ACY1: variants seen among roughly 807,000 people sequenced by gnomAD.
The protein encoded by ACY1 is aminoacylase-1.
Under a neutral mutation model 53.3 loss-of-function variants are expected in ACY1, and 38 were observed. The observed-to-expected ratio is 0.71, with a 90% CI of 0.55 to 0.93. The LOEUF (loss-of-function observed/expected upper bound fraction) is 0.93, where lower values mean the gene tolerates loss of function less well. Among genes scored for constraint, ACY1 ranks in the 40% least tolerant of loss-of-function variants. The pLI, the probability that ACY1 is intolerant of heterozygous loss-of-function variation, is 0.00. For missense variants in ACY1, 484 were observed against 540.9 expected (o/e 0.89, Z 1.04); for synonymous variants, 177 against 202.1 (o/e 0.88, Z 1.05).
At chr3:51,983,911 T>C in intron 1 of ACY1, 136 bp from the exon 2 acceptor site, 2 of 699,670 alleles carry the variant, frequency 2.9e-6, no homozygotes, top group Non-Finnish European at 2.6e-6. Flanking sequence ...GAATGGGTGC[T>C]CCTTAATGGG....
At chr3:51,985,560 C>T in intron 4 of ACY1, 95 bp downstream of exon 4, 1 of 1,225,480 alleles carries the variant, frequency 8.2e-7, no homozygotes, top group Non-Finnish European at 1.2e-6. Flanking sequence ...ATGGTCCTGG[C>T]CCCAGTCCTG....
chr3:51,984,892 C>T, intron 2 of ACY1: 2 of 463,442 alleles, frequency 4.3e-6, no homozygotes, highest in Admixed American at 3.4e-5. Flanking sequence ...CCAAATTCCT[C>T]CTCTGTGATT....
rs1701063639 is a variant in ACY1, at chr3:51,986,516, G to A, written c.526+12G>A. On this transcript the variant is annotated intron_variant, in intron 7 of 14. Transcript: ENST00000636358. ...TGCCCTGGATGAGGGTGAGCAGGTT[G>A]GCAAGCCAATGAGCAGCCAGGCAGG... The A allele has an allele frequency of 6.2e-7, 1 of 1,614,046 alleles. No homozygotes were observed. Among genetic ancestry groups the A allele is most frequent in the Admixed American group, 1.7e-5 (1 of 60,008 alleles).
At chr3:51,988,312 G>T (rs1701146382) in intron 12 of ACY1, 2 of 638,408 alleles carry the variant, frequency 3.1e-6, no homozygotes, top group Non-Finnish European at 5.7e-6. Flanking sequence ...GGATGGACAG[G>T]AGGTAAGTAG....
chr3:51,988,688 C>T, intron 13 of ACY1, 78 bp from the exon 14 acceptor site: 2 of 1,591,770 alleles, frequency 1.3e-6, no homozygotes, highest in Non-Finnish European at 1.7e-6. Flanking sequence ...CTCCTTCTCC[C>T]ACCTCTTTCC....
intron 11 of ACY1, 43 bp from the exon 12 acceptor site, chr3:51,987,513 C>A: frequency 6.2e-7 from 1 of 1,613,986 alleles, no homozygotes; most frequent in Non-Finnish European, 8.5e-7. Context: ...GTCCTAGAGG[C>A]CTCTGGAAAG....
Position 51,984,122 on chromosome 3 carries a change from C to A in ACY1, c.58C>A (p.Leu20Met), listed in dbSNP as rs200895743. 2 of 1,613,838 alleles carry A rather than the reference C, an allele frequency of 1.2e-6. No individual in the cohort carries two copies. The highest frequency in any genetic ancestry group is 8.5e-7 in the Non-Finnish European group (1 of 1,180,038). ...ATCGGTGACGCTCTTCCGCCAGTAC[C>A]TGCGTATCCGCACTGTCCAGCCCAA... ...HPSVTLFRQY[L>M]RIRTVQPKPD... The change falls in exon 2 of 15, where the codon CTG becomes ATG. Residue 20 changes from leucine (L) to methionine (M), a missense_variant. Coordinates refer to ENST00000636358, the MANE Select transcript of ACY1 (RefSeq NM_000666.3).
chr3:51,988,658 T>C, intron 13 of ACY1, 55 bp downstream of exon 13: 1 of 1,584,678 alleles, frequency 6.3e-7, no homozygotes, highest in Non-Finnish European at 8.7e-7. Flanking sequence ...CTCTCCTTCC[T>C]GCTGCCCCCT....
At position 51,989,183 on chromosome 3, in the gene ACY1, G is replaced by A; in HGVS notation, c.*108G>A. On this transcript the variant is annotated 3_prime_UTR_variant, in exon 15 of 15. Transcript: ENST00000636358. ...AAAGTCTATGGACAGGGCTGTCTCT[G>A]AAGTACTAACACAAGGACACTCGTG... 6.7e-7 allele frequency: 1 copy of A among 1,481,910 alleles called. No homozygotes were observed. The highest frequency in any genetic ancestry group is 1.1e-5 in the South Asian group (1 of 87,674). 91.8% of individuals were successfully genotyped at this position (1,481,910 alleles called of 1,614,324 possible).
Position 51,988,779 on chromosome 3 carries a change from G to A in ACY1, c.1015G>A (p.Glu339Lys). ...RVCKDMNLTLEPEIMPAATDN... is the reference protein window; with the variant it reads ...RVCKDMNLTLKPEIMPAATDN... ...TTTCTCCTACAGGAACCTCACTCTG[G>A]AGCCTGAGATCATGCCTGCTGCCAC... The change falls in exon 14 of 15, where the codon GAG becomes AAG. Residue 339 changes from glutamate (E) to lysine (K), a missense_variant. By Grantham distance (56) the Glu-to-Lys change is moderately conservative. Transcript: ENST00000636358. 2.5e-6 allele frequency: 4 copies of A among 1,614,056 alleles called. No homozygotes were observed. Among genetic ancestry groups the A allele is most frequent in the Non-Finnish European group, 2.5e-6 (3 of 1,179,990 alleles).
chr3:51,986,904 G>C, intron 8 of ACY1, 84 bp from the exon 9 acceptor site: 1 of 1,461,478 alleles, frequency 6.8e-7, no homozygotes, highest in Non-Finnish European at 9.4e-7. Flanking sequence ...CCTGGAATGA[G>C]GGGGAGACCT....
chr3:51,987,342 C>G lies in ACY1; in HGVS notation c.741C>G (p.Ser247=), dbSNP rs748602399. 6.2e-7 allele frequency: 1 copy of G among 1,614,096 alleles called. No individual in the cohort carries two copies. ...CAAACCCCCACCTGAAAGAGGGGTC[C>G]GTGACCTCCGTGAACCTGACTAAGC... The part of the protein sequence containing the change: ...LQSNPHLKEG[S]VTSVNLTKLE... Residue 247 remains serine (S), a synonymous_variant, in exon 11 of 15, where the codon TCC becomes TCG. Transcript: ENST00000636358.
At chr3:51,985,339 C>A in intron 3 of ACY1, 22 bp from the exon 4 acceptor site, 1 of 1,614,042 alleles carries the variant, frequency 6.2e-7, no homozygotes, top group Non-Finnish European at 8.5e-7. Flanking sequence ...CTCAGACCAC[C>A]TACCCTCCTG....
In ACY1 at chr3:51,988,622, T is replaced by C. The variant is rs1436753624; in HGVS notation, c.1001+19T>C. Reference sequence around the variant, plus strand: ...AGGATATGTGAGCACGCTGGCCAGCTCTCCTCACAGCCCAGCCCCCTACTC... The same window carrying C: ...AGGATATGTGAGCACGCTGGCCAGCCCTCCTCACAGCCCAGCCCCCTACTC... On this transcript the variant is annotated intron_variant, in intron 13 of 14. Coordinates refer to ENST00000636358, the MANE Select transcript of ACY1 (RefSeq NM_000666.3). 8 of 1,613,728 alleles carry C rather than the reference T, an allele frequency of 5.0e-6. No individual in the cohort carries two copies. The highest frequency in any genetic ancestry group is 5.9e-6 in the Non-Finnish European group (7 of 1,179,722).
intron 1 of ACY1, 111 bp from the exon 2 acceptor site, chr3:51,983,936 G>A (rs1700969521): frequency 1.3e-6 from 1 of 783,866 alleles, no homozygotes; most frequent in Non-Finnish European, 2.2e-6. Context: ...CCGAAACACG[G>A]TATCCTACCC....
At chr3:51,984,994 G>A (rs1701005870) in intron 2 of ACY1, 1 of 625,054 alleles carries the variant, frequency 1.6e-6, no homozygotes, top group Admixed American at 2.4e-5. Context: ...CCAACCCTGT[G>A]TCCAGACATC....
rs201515405 is a variant in ACY1, at chr3:51,985,437, C to T, written c.236C>T (p.Ser79Phe). The T allele has an allele frequency of 1.2e-6, 2 of 1,614,096 alleles. No homozygotes were observed. The highest frequency in any genetic ancestry group is 1.3e-5 in the African/African-American group (1 of 75,036). Reference protein sequence around the residue: ...NPTLSSILLNSHTDVVPVFKE... With the variant: ...NPTLSSILLNFHTDVVPVFKE... ...ACACTCTCCTCCATCTTGCTCAACT[C>T]CCACACGGATGTGGTGCCTGTCTTC... Residue 79 changes from serine (S) to phenylalanine (F), a missense_variant, in exon 4 of 15, where the codon TCC becomes TTC. Ser to Phe is a radical substitution (Grantham distance 155). Coordinates refer to ENST00000636358, the MANE Select transcript of ACY1 (RefSeq NM_000666.3).
chr3:51,984,168 CG>C lies in ACY1; in HGVS notation c.94+12del. 1 of 1,613,362 alleles carries C rather than the reference CG, an allele frequency of 6.2e-7. No homozygotes were observed. The highest frequency in any genetic ancestry group is 2.2e-5 in the East Asian group (1 of 44,886). ...CCCAAGCCTGACTATGGTGAGAAGA[CG>C]GTGGTTCCAGAGCCTGTGACGGGGC... On this transcript the variant is annotated intron_variant, in intron 2 of 14. Transcript: ENST00000636358.
At position 51,988,920 on chromosome 3, in the gene ACY1, C is replaced by T. The variant is rs1274261140; in HGVS notation, c.1072C>T (p.Pro358Ser). The T allele has an allele frequency of 6.2e-7, 1 of 1,614,218 alleles. No individual in the cohort carries two copies. The highest frequency in any genetic ancestry group is 8.5e-7 in the Non-Finnish European group (1 of 1,180,036). Residue 358 changes from proline to serine, a missense_variant, in exon 15 of 15, where the codon CCA becomes TCA. Coordinates refer to ENST00000636358, the MANE Select transcript of ACY1 (RefSeq NM_000666.3). ...TTCCTCACCCCTGCAGGTGGGGGTC[C>T]CAGCTCTAGGCTTCTCACCCATGAA... ...DNRYIRAVGVPALGFSPMNRT... is the reference protein window; with the variant it reads ...DNRYIRAVGVSALGFSPMNRT...
Sources: gnomAD v4.1 joint callset for allele counts on GRCh38, gnomAD v4.1.1 for gene constraint, MANE v1.5 for transcripts, NCBI Gene and HGNC (gene_info 2026-07-23, HGNC 2026-07-21) for gene names.